FER1L6: variants seen among roughly 807,000 people sequenced by gnomAD.
FER1L6 encodes the protein fer-1 like family member 6.
A neutral mutation model predicts 219.2 loss-of-function variants in FER1L6; 177 were observed. That is an observed-to-expected ratio of 0.81 (90% CI 0.71 to 0.91). The LOEUF is 0.91. Ranked by LOEUF, FER1L6 falls within the 40% of genes least tolerant of loss-of-function variation. The pLI is 0.00. For synonymous variants in FER1L6, 768 were observed against 824.3 expected, an observed-to-expected ratio of 0.93 and a Z score of 1.17; for missense variants, 2,153 against 2,259.9, an observed-to-expected ratio of 0.95 and a Z score of 0.96.
rs377590318 is a variant in FER1L6 at position 123,970,648 on chromosome 8, G to A, written c.447+551G>A. Reference sequence around the variant, plus strand: ...TTTTCAAAAGTTGCCTCTGAGTGTAGACCTCAGGACCTGCCCTTGGGAAAT... The same window carrying A: ...TTTTCAAAAGTTGCCTCTGAGTGTAAACCTCAGGACCTGCCCTTGGGAAAT... On this transcript the variant is annotated intron_variant, in intron 6 of 40. Coordinates refer to ENST00000522917, the MANE Select transcript of FER1L6 (RefSeq NM_001039112.2). 7.2e-5 allele frequency among the ~76,000 whole-genome samples: 11 copies of A among 152,242 alleles called. No homozygotes were observed. The East Asian group carries it at 2.1e-3, about 29-fold the overall frequency.
intron 1 of FER1L6, among the ~76,000 whole-genome samples, chr8:123,927,755 G>T (rs1166675739): frequency 6.6e-6 from 1 of 152,144 alleles, no homozygotes; most frequent in Non-Finnish European, 1.5e-5. Context: ...AATAAAAATA[G>T]ATCACATTTA....
chr8:123,859,070 G>A (rs1366283596), intron 1 of FER1L6, among the ~76,000 whole-genome samples: 5 of 152,020 alleles, frequency 3.3e-5, no homozygotes, highest in East Asian at 1.9e-4. Context: ...GCACATCTGG[G>A]CTCACTGCAA....
intron 1 of FER1L6, among the ~76,000 whole-genome samples, chr8:123,854,707 G>A (rs1303424251): frequency 1.3e-5 from 2 of 152,154 alleles, no homozygotes; most frequent in Non-Finnish European, 2.9e-5. Flanking sequence ...AAAGAAAGAA[G>A]CCCATTCTGG....
At chr8:123,975,351 A>G in intron 8 of FER1L6, 45 bp downstream of exon 8, 1 of 1,505,812 alleles carries the variant, frequency 6.6e-7, no homozygotes, top group Non-Finnish European at 9.0e-7. Flanking sequence ...TGATATGTCC[A>G]ATTTTAATCT....
At chr8:124,047,683 C>T (rs980113732) in intron 21 of FER1L6, 2 of 151,994 alleles carry the variant, frequency 1.3e-5, no homozygotes, top group Non-Finnish European at 2.9e-5. Flanking sequence ...ATTCAGCTGA[C>T]ATTATTGACT....
intron 1 of FER1L6, among the ~76,000 whole-genome samples, chr8:123,889,310 A>C (rs1812594277): frequency 6.6e-6 from 1 of 152,208 alleles, no homozygotes; most frequent in South Asian, 2.1e-4. Flanking sequence ...AAATAGATAA[A>C]CTGCTAAAAA....
chr8:123,866,911 GCCTGA>G (rs1271491167), intron 1 of FER1L6, among the ~76,000 whole-genome samples: 1 of 152,142 alleles, frequency 6.6e-6, no homozygotes, highest in Non-Finnish European at 1.5e-5. Flanking sequence ...GAGCTACCAC[GCCTGA>G]CCAGGTTATT....
chr8:123,906,974 C>A (rs1007039551), intron 1 of FER1L6, among the ~76,000 whole-genome samples: 1 of 152,150 alleles, frequency 6.6e-6, no homozygotes, highest in Admixed American at 6.5e-5. Flanking sequence ...GCAAACTTTT[C>A]TGTAAGGGAC....
intron 1 of FER1L6, among the ~76,000 whole-genome samples, chr8:123,934,764 G>C (rs903224628): frequency 2.0e-5 from 3 of 152,122 alleles, no homozygotes; most frequent in African/African-American, 2.4e-5. Flanking sequence ...CACGTGTTGG[G>C]GGGGAGGGGT....
At chr8:123,926,949 AT>A in intron 1 of FER1L6, among the ~76,000 whole-genome samples, 1 of 152,128 alleles carries the variant, frequency 6.6e-6, no homozygotes, top group Non-Finnish European at 1.5e-5. Flanking sequence ...GACTCCAAAG[AT>A]TTGGGGTAAA....
Position 124,045,874 on chromosome 8 carries a change from G to A in FER1L6, c.2697G>A (p.Val899=), listed in dbSNP as rs1819706105. The change falls in exon 21 of 41, where the codon GTG becomes GTA. Residue 899 remains valine, a synonymous_variant. Transcript: ENST00000522917. ...TGGCAGAGTCCCCGCCCTTAGTGGTGGTGGAGCTGTATGACAGCGACGCTG... is the reference window on the plus strand; with the variant it reads ...TGGCAGAGTCCCCGCCCTTAGTGGTAGTGGAGCTGTATGACAGCGACGCTG... ...KELAESPPLV[V]VELYDSDAVG... The A allele has an allele frequency of 6.2e-7, 1 of 1,614,016 alleles. No homozygotes were observed. The highest frequency in any genetic ancestry group is 8.5e-7 in the Non-Finnish European group (1 of 1,179,998).
chr8:123,885,357 C>G (rs1352150464), intron 1 of FER1L6, among the ~76,000 whole-genome samples: 1 of 152,154 alleles, frequency 6.6e-6, no homozygotes, highest in Non-Finnish European at 1.5e-5. Flanking sequence ...CTGTCCTTGT[C>G]AAAGCTTCCA....
chr8:123,986,735 A>G (rs1373663870), intron 12 of FER1L6, among the ~76,000 whole-genome samples: 2 of 152,092 alleles, frequency 1.3e-5, no homozygotes, highest in Non-Finnish European at 2.9e-5. Context: ...TTTAATTTTT[A>G]GCTTCTCCAC....
intron 1 of FER1L6, among the ~76,000 whole-genome samples, chr8:123,880,139 C>T (rs544547979): frequency 6.6e-6 from 1 of 152,226 alleles, no homozygotes; most frequent in South Asian, 2.1e-4. Flanking sequence ...AATTCCTCGT[C>T]GGCATCCCCT....
At chr8:123,988,728 A>G (rs1420954094) in intron 12 of FER1L6, among the ~76,000 whole-genome samples, 1 of 152,208 alleles carries the variant, frequency 6.6e-6, no homozygotes, top group Admixed American at 6.5e-5. Context: ...TTTTTGGTGG[A>G]ATATTTAGGT....
chr8:124,015,573 A>ATATATG (rs1234530399), intron 15 of FER1L6, among the ~76,000 whole-genome samples: 2 of 20,302 alleles, frequency 9.9e-5, no homozygotes, highest in East Asian at 3.5e-3. Flanking sequence ...TATAAAAGCT[A>ATATATG]TATATATATA....
chr8:124,065,251 A>T (rs1018276093), intron 26 of FER1L6, among the ~76,000 whole-genome samples: 3 of 151,764 alleles, frequency 2.0e-5, no homozygotes, highest in Non-Finnish European at 4.4e-5. Flanking sequence ...AATACAAAAA[A>T]TTAGCCAGGT....
intron 18 of FER1L6, among the ~76,000 whole-genome samples, chr8:124,031,891 G>T (rs558840558): frequency 7.2e-4 from 109 of 152,252 alleles, no homozygotes; most frequent in African/African-American, 2.5e-3. Context: ...AATGTTGAAT[G>T]AATCCAACTT....
At chr8:123,882,477 T>A (rs1303137136) in intron 1 of FER1L6, among the ~76,000 whole-genome samples, 1 of 152,232 alleles carries the variant, frequency 6.6e-6, no homozygotes, top group Non-Finnish European at 1.5e-5. Context: ...CACATCTATC[T>A]GGTTTATTCA....
Sources: allele counts gnomAD v4.1 joint callset (sites outside exome capture counted in the v4.1 genomes callset), GRCh38; gene constraint gnomAD v4.1.1; transcripts MANE v1.5; gene names NCBI Gene and HGNC (gene_info 2026-07-23, HGNC 2026-07-21).